The following YWHAZ variants were observed in gnomAD, a reference collection of about 807,000 sequenced individuals.
The protein encoded by YWHAZ is tyrosine 3-monooxygenase/tryptophan 5-monooxygenase activation protein zeta.
For synonymous variants in YWHAZ, 87 were observed against 103.6 expected (o/e 0.84, Z 0.97); for missense variants, 79 against 284.8 (o/e 0.28, Z 5.20).
rs1356571602 is a variant in YWHAZ at position 100,919,109 on chromosome 8, G to A, written c.*1584C>T. Reference sequence around the variant, plus strand: ...GTGGGATGCAAGCAAAGGAAGCAGGGTGCCTTAGACACTGAGTGGAGCCAG... The same window carrying A: ...GTGGGATGCAAGCAAAGGAAGCAGGATGCCTTAGACACTGAGTGGAGCCAG... On this transcript the variant is annotated 3_prime_UTR_variant, in exon 6 of 6. Transcript: ENST00000395958. 6.6e-6 allele frequency: 1 copy of A among 152,156 alleles called. No individual in the cohort carries two copies. Among genetic ancestry groups the A allele is most frequent in the East Asian group, 1.9e-4 (1 of 5,194 alleles). The allele number at this position is 152,156 out of a possible 1,614,324, so 9.4% of individuals were successfully genotyped here. A position where few individuals can be genotyped will look rare whatever the true frequency, so the allele number is the denominator to read the frequency against.
intron 2 of YWHAZ, among the ~76,000 whole-genome samples, chr8:100,932,972 A>T (rs1183539668): frequency 6.6e-6 from 1 of 152,218 alleles, no homozygotes; most frequent in Non-Finnish European, 1.5e-5. Context: ...ATTAGCGATA[A>T]GGAACCAGTA....
chr8:100,928,224 G>A (rs1452539363), intron 2 of YWHAZ, among the ~76,000 whole-genome samples: 1 of 152,044 alleles, frequency 6.6e-6, no homozygotes, highest in Non-Finnish European at 1.5e-5. Flanking sequence ...AGCTTGCAGT[G>A]AGCTGAGATA....
rs1812799170 is a variant in YWHAZ at position 100,918,408 on chromosome 8, T to TTACATA, written c.*2284_*2285insTATGTA. 3 of 41,888 alleles carry TTACATA rather than the reference T, an allele frequency of 7.2e-5. No individual in the cohort carries two copies. In the Admixed American group the frequency reaches 1.2e-3, roughly 16 times the overall value. The allele number at this position is 41,888 out of a possible 1,614,324, so 2.6% of individuals were successfully genotyped here. ...AGTCTAGCTATAAAATATAATTACT[T>TTACATA]TATATATATATATATATATATATAT... On this transcript the variant is annotated 3_prime_UTR_variant, in exon 6 of 6. Transcript: ENST00000395958.
At chr8:100,937,841 C>CA (rs1451646810) in intron 2 of YWHAZ, among the ~76,000 whole-genome samples, 7 of 151,734 alleles carry the variant, frequency 4.6e-5, no homozygotes, top group African/African-American at 1.7e-4. Flanking sequence ...TAGTCTGAAA[C>CA]AAAAATCGGC....
At chr8:100,932,402 C>T (rs1238483611) in intron 2 of YWHAZ, among the ~76,000 whole-genome samples, 1 of 152,014 alleles carries the variant, frequency 6.6e-6, no homozygotes, top group East Asian at 1.9e-4. Flanking sequence ...AACCATGGTA[C>T]ATATATACTA....
upstream of YWHAZ, chr8:100,952,185 C>A: frequency 1.0e-6 from 1 of 983,468 alleles, no homozygotes; most frequent in South Asian, 4.7e-5. Flanking sequence ...AACCGCCGCT[C>A]CCCGGCGCTC....
upstream of YWHAZ, chr8:100,953,045 CAGG>C: frequency 4.0e-6 from 4 of 999,218 alleles, no homozygotes; most frequent in Non-Finnish European, 4.8e-6. Context: ...GCGGAGCCGG[CAGG>C]AGGTGAGGCC....
rs1411745299 is a variant in YWHAZ at position 100,919,184 on chromosome 8, T to C, written c.*1509A>G. The C allele has an allele frequency of 3.3e-5, 5 of 152,508 alleles. No homozygotes were observed. In the East Asian group the frequency reaches 7.7e-4, roughly 24 times the overall value. 9.4% of individuals were successfully genotyped at this position (152,508 alleles called of 1,614,324 possible). ...GTACATGGCCACCAAGTAAGAATGG[T>C]TGGTGACAAGACAGAAGGCTAAAAC... On this transcript the variant is annotated 3_prime_UTR_variant, in exon 6 of 6. Transcript: ENST00000395958.
intron 2 of YWHAZ, among the ~76,000 whole-genome samples, chr8:100,934,566 T>C (rs369350799): frequency 2.1e-4 from 32 of 152,054 alleles, no homozygotes; most frequent in Middle Eastern, 3.4e-3. Flanking sequence ...CTGGGTGTGG[T>C]GGCAGGCGCC....
At chr8:100,940,217 A>T (rs1325978491) in intron 2 of YWHAZ, among the ~76,000 whole-genome samples, 5 of 152,164 alleles carry the variant, frequency 3.3e-5, no homozygotes, top group African/African-American at 9.6e-5. Context: ...CCTGCGCTGA[A>T]GTTTCTCACA....
At position 100,919,238 on chromosome 8, in the gene YWHAZ, T is replaced by C. The variant is rs1005710212; in HGVS notation, c.*1455A>G. On this transcript the variant is annotated 3_prime_UTR_variant, in exon 6 of 6. Coordinates refer to ENST00000395958, the MANE Select transcript of YWHAZ (RefSeq NM_145690.3). ...AAGGTAATCTTGTGCACCTGACAAA[T>C]AGAAAGAATAAAGGATCAAAATTGA... The C allele has an allele frequency of 3.9e-5, 6 of 152,434 alleles. No homozygotes were observed. Among genetic ancestry groups the C allele is most frequent in the East Asian group, 1.9e-4 (1 of 5,192 alleles). The allele number at this position is 152,434 out of a possible 1,614,324, so 9.4% of individuals were successfully genotyped here. A position where few individuals can be genotyped will look rare whatever the true frequency, so the allele number is the denominator to read the frequency against.
chr8:100,937,189 G>T (rs1814210664), intron 2 of YWHAZ, among the ~76,000 whole-genome samples: 1 of 151,930 alleles, frequency 6.6e-6, no homozygotes, highest in Middle Eastern at 3.4e-3. Context: ...TTCTAAATCT[G>T]AAATTATTTC....
At position 100,918,952 on chromosome 8, in the gene YWHAZ, A is replaced by G. The variant is rs538485217; in HGVS notation, c.*1741T>C. ...TCATTATTTAGAGAATAGAGGAGGA[A>G]GAAAGAGGAAGGATTTTAAAGGCAG... On this transcript the variant is annotated 3_prime_UTR_variant, in exon 6 of 6. Coordinates refer to ENST00000395958, the MANE Select transcript of YWHAZ (RefSeq NM_145690.3). 3 of 152,726 alleles carry G rather than the reference A, an allele frequency of 2.0e-5. No individual in the cohort carries two copies. In the South Asian group the frequency reaches 6.2e-4, roughly 32 times the overall value. The allele number at this position is 152,726 out of a possible 1,614,324, so 9.5% of individuals were successfully genotyped here. A position where few individuals can be genotyped will look rare whatever the true frequency, so the allele number is the denominator to read the frequency against.
intron 2 of YWHAZ, among the ~76,000 whole-genome samples, chr8:100,946,013 A>G (rs1023476188): frequency 2.6e-5 from 4 of 152,198 alleles, no homozygotes; most frequent in African/African-American, 9.6e-5. Flanking sequence ...TAGTAAAGAA[A>G]TTAAACTCTC....
chr8:100,926,120 G>A (rs1440720630), intron 2 of YWHAZ, among the ~76,000 whole-genome samples: 1 of 151,654 alleles, frequency 6.6e-6, no homozygotes, highest in Non-Finnish European at 1.5e-5. Flanking sequence ...GCTTTTAAAT[G>A]GTAACTCCAA....
intron 2 of YWHAZ, chr8:100,934,933 T>C (rs370662867): frequency 4.6e-5 from 7 of 151,812 alleles, no homozygotes; most frequent in Admixed American, 2.6e-4. Context: ...CCTAAATTCT[T>C]AGGAGCAAGT....
At chr8:100,951,459 CG>C in intron 1 of YWHAZ, 1 of 976,888 alleles carries the variant, frequency 1.0e-6, no homozygotes. Flanking sequence ...GCCTCACCTG[CG>C]CCACTGCGAT....
chr8:100,952,873 C>T (rs919855867), upstream of YWHAZ: 18 of 1,000,366 alleles, frequency 1.8e-5, no homozygotes, highest in Non-Finnish European at 2.2e-5. Context: ...GGAAGCGGTC[C>T]TAGACCTTTT....
chr8:100,923,920 C>A (rs1157006047), intron 5 of YWHAZ, 35 bp downstream of exon 5: 18 of 1,533,062 alleles, frequency 1.2e-5, no homozygotes, highest in Middle Eastern at 2.3e-4. Context: ...CCTCTTCAAC[C>A]ACATTCATCA....
Sources: allele counts gnomAD v4.1 joint callset (sites outside exome capture counted in the v4.1 genomes callset), GRCh38; gene constraint gnomAD v4.1.1; transcripts MANE v1.5; gene names NCBI Gene and HGNC (gene_info 2026-07-23, HGNC 2026-07-21).